The following DHX9 variants were observed in gnomAD, a reference collection of about 807,000 sequenced individuals.
DHX9 encodes DExH-box helicase 9, also known as ATP-dependent RNA helicase A.
In DHX9, 27 loss-of-function variants were observed where a neutral mutation model predicts 148.7. The ratio of observed to expected loss-of-function variants is 0.18; its 90% CI spans 0.13 to 0.25. The LOEUF is 0.25. Ranked by LOEUF, DHX9 falls within the 10% of genes least tolerant of loss-of-function variation. The probability of loss-of-function intolerance (pLI) is 1.00; values close to 1 mark genes in which losing one functional copy is unlikely to be tolerated. For synonymous variants in DHX9, 529 were observed against 516.6 expected (o/e 1.02, Z -0.33); for missense variants, 796 against 1,559.6 (o/e 0.51, Z 8.25).
chr1:182,864,508 T>C (rs1409308860), intron 12 of DHX9, among the ~76,000 whole-genome samples: 2 of 152,250 alleles, frequency 1.3e-5, no homozygotes, highest in Admixed American at 6.5e-5. Context: ...ATTTTAACTT[T>C]CGTGCATTTT....
chr1:182,859,259 C>T (rs1377984145), intron 11 of DHX9, 142 bp downstream of exon 11: 2 of 637,180 alleles, frequency 3.1e-6, no homozygotes, highest in Admixed American at 3.2e-5. Context: ...TCCTAGTTAC[C>T]CCTGAAGTTA....
intron 1 of DHX9, chr1:182,839,776 G>T (rs897918038): frequency 6.6e-6 from 1 of 152,406 alleles, no homozygotes; most frequent in Non-Finnish European, 1.5e-5. Context: ...CTGAGGGAAG[G>T]GGGTGCTTCG....
chr1:182,853,095 T>G (rs1164643371), intron 4 of DHX9, among the ~76,000 whole-genome samples: 1 of 151,664 alleles, frequency 6.6e-6, no homozygotes, highest in Non-Finnish European at 1.5e-5. Flanking sequence ...CCCGGCTAAT[T>G]TTTGTATTTT....
chr1:182,862,164 C>T (rs1439848640), intron 12 of DHX9, among the ~76,000 whole-genome samples: 1 of 152,194 alleles, frequency 6.6e-6, no homozygotes. Flanking sequence ...TTGTAGCCAT[C>T]TATAGGAAAC....
At chr1:182,858,453 G>A (rs1401642208) in intron 8 of DHX9, 98 bp from the exon 9 acceptor site, 6 of 1,179,538 alleles carry the variant, frequency 5.1e-6, no homozygotes, top group Non-Finnish European at 7.2e-6. Flanking sequence ...ACTGACTATT[G>A]GTTTAGGAAT....
chr1:182,856,660 C>T lies in DHX9; in HGVS notation c.673+82C>T. 7 of 1,204,400 alleles carry T rather than the reference C, an allele frequency of 5.8e-6. No homozygotes were observed. In the South Asian group the frequency reaches 7.6e-5, roughly 13 times the overall value. The allele number at this position is 1,204,400 out of a possible 1,614,324, so 74.6% of individuals were successfully genotyped here. The stretch of plus-strand genomic sequence containing the variant: ...CATTTTAAGTCTTGAGTCACGTATA[C>T]AGAAGCTGTATTATTTGAAAGAGCA... On this transcript the variant is annotated intron_variant, in intron 7 of 27. Coordinates refer to ENST00000367549, the MANE Select transcript of DHX9 (RefSeq NM_001357.5).
chr1:182,850,811 C>A (rs1158892003), intron 3 of DHX9, among the ~76,000 whole-genome samples: 2 of 152,074 alleles, frequency 1.3e-5, no homozygotes, highest in Non-Finnish European at 2.9e-5. Flanking sequence ...TAGGCAGAGC[C>A]AAGATTATGC....
intron 22 of DHX9, 84 bp from the exon 23 acceptor site, chr1:182,881,180 C>A: frequency 7.2e-7 from 1 of 1,390,756 alleles, no homozygotes; most frequent in Non-Finnish European, 9.8e-7. Context: ...ATAAAGACTG[C>A]AACCCACAGT....
In DHX9 at chr1:182,858,837, A is replaced by G; in HGVS notation, c.1005A>G (p.Pro335=). The G allele has an allele frequency of 6.2e-7, 1 of 1,614,198 alleles. No individual in the cohort carries two copies. The highest frequency in any genetic ancestry group is 1.3e-5 in the African/African-American group (1 of 75,050). Residue 335 remains proline, a synonymous_variant, in exon 10 of 28, where the codon CCA becomes CCG. Transcript: ENST00000367549. ...TGGGTGTGGTTCCTTGGTCACCTCC[A>G]CAATCCAACTGGAATCCTTGGACTA... ...NQVGVVPWSP[P]QSNWNPWTSS...
chr1:182,866,252 T>C (rs1473003036), intron 12 of DHX9, among the ~76,000 whole-genome samples, 192 bp from the exon 13 acceptor site: 1 of 152,200 alleles, frequency 6.6e-6, no homozygotes, highest in African/African-American at 2.4e-5. Flanking sequence ...ATAGAATCAT[T>C]TTATATGCAA....
intron 14 of DHX9, among the ~76,000 whole-genome samples, chr1:182,871,471 C>G (rs185169901): frequency 2.6e-5 from 4 of 152,284 alleles, no homozygotes; most frequent in Admixed American, 2.6e-4. Flanking sequence ...TAAGCATTAC[C>G]TTCCGAAGTT....
intron 12 of DHX9, among the ~76,000 whole-genome samples, chr1:182,861,708 G>A (rs571922099): frequency 6.6e-6 from 1 of 152,258 alleles, no homozygotes; most frequent in East Asian, 1.9e-4. Context: ...AATGTTCAGT[G>A]GCATGGAAAT....
rs796928595 is a variant in DHX9, at chr1:182,882,182, G to A, written c.2914+535G>A. On this transcript the variant is annotated intron_variant, in intron 24 of 27. Transcript: ENST00000367549. The stretch of plus-strand genomic sequence containing the variant: ...GGTTCTCTTCTGTCATAAGCCAGCC[G>A]AAATTTTAGTTTTTCCTCAAAATTA... 7.2e-5 allele frequency among the ~76,000 whole-genome samples: 11 copies of A among 152,264 alleles called. 1 individual carries two copies. Among genetic ancestry groups the A allele is most frequent in the African/African-American group, 2.6e-4 (11 of 41,552 alleles).
intron 7 of DHX9, among the ~76,000 whole-genome samples, chr1:182,856,919 G>A (rs1668261588): frequency 2.0e-5 from 3 of 151,754 alleles, no homozygotes; most frequent in South Asian, 2.1e-4. Flanking sequence ...GTGTGATCTC[G>A]GCTCACTGCA....
chr1:182,882,863 CAAAAAAA>C (rs796875709), intron 24 of DHX9, among the ~76,000 whole-genome samples: 12 of 83,862 alleles, frequency 1.4e-4, no homozygotes, highest in Non-Finnish European at 2.5e-4. Context: ...AGACTCGTCT[CAAAAAAA>C]AAAAAAAAAA....
Position 182,840,981 on chromosome 1 carries a change from A to G in DHX9, c.-23+1525A>G, listed in dbSNP as rs535651421. On this transcript the variant is annotated intron_variant, in intron 1 of 27. Coordinates refer to ENST00000367549, the MANE Select transcript of DHX9 (RefSeq NM_001357.5). The stretch of plus-strand genomic sequence containing the variant: ...GTGAGTTAGTGCCACAGTTGGATGA[A>G]CTTAATTTTGGACTTTAAAGAGAAA... Among the ~76,000 whole-genome samples, 5 of 152,230 alleles carry G rather than the reference A, an allele frequency of 3.3e-5. No individual in the cohort carries two copies. In the South Asian group the frequency reaches 1.0e-3, roughly 32 times the overall value.
chr1:182,872,312 A>G, intron 14 of DHX9, 25 bp from the exon 15 acceptor site: 1 of 1,588,950 alleles, frequency 6.3e-7, no homozygotes, highest in Non-Finnish European at 8.6e-7. Context: ...GTAATTTCAA[A>G]AATTTTGTGT....
rs1207294764 is a variant in DHX9, at chr1:182,852,304, C to T, written c.324C>T (p.Thr108=). The change falls in exon 4 of 28, where the codon ACC becomes ACT. Residue 108 remains threonine (T), a synonymous_variant. Transcript: ENST00000367549. ...TANAEGDLPT[T]MGGPLPPHLA... ...ATGCTGAAGGAGATTTACCAACAAC[C>T]ATGGGAGGACCTCTTCCTCCACATC... 6.2e-7 allele frequency: 1 copy of T among 1,612,942 alleles called. No homozygotes were observed.
intron 19 of DHX9, 193 bp from the exon 20 acceptor site, chr1:182,877,828 A>T (rs1648883540): frequency 1.6e-6 from 1 of 635,226 alleles, no homozygotes; most frequent in Non-Finnish European, 2.6e-6. Context: ...TGGATGTTAC[A>T]TTGCCTTTTA....
Sources: allele counts gnomAD v4.1 joint callset (sites outside exome capture counted in the v4.1 genomes callset), GRCh38; gene constraint gnomAD v4.1.1; transcripts MANE v1.5; gene names NCBI Gene and HGNC (gene_info 2026-07-23, HGNC 2026-07-21).